The following SRBD1 variants were observed in gnomAD, a reference collection of about 807,000 sequenced individuals.
SRBD1 encodes S1 RNA-binding domain-containing protein 1.
SRBD1 carries 88 observed loss-of-function variants against 115.3 expected under a neutral mutation model. The observed-to-expected ratio is 0.76, with a 90% CI of 0.64 to 0.91. The LOEUF (loss-of-function observed/expected upper bound fraction) is 0.91, where lower values mean the gene tolerates loss of function less well. Among genes scored for constraint, SRBD1 ranks in the 40% least tolerant of loss-of-function variants. The probability of loss-of-function intolerance (pLI) is 0.00; values close to 1 mark genes in which losing one functional copy is unlikely to be tolerated. For missense variants in SRBD1, 1,385 were observed against 1,177.4 expected (o/e 1.18, Z -2.58); for synonymous variants, 509 against 407.7 (o/e 1.25, Z -2.99).
chr2:45,549,207 C>T (rs1023551607), intron 12 of SRBD1: 3 of 151,336 alleles, frequency 2.0e-5, no homozygotes, highest in South Asian at 2.1e-4. Flanking sequence ...AAGATAGCAA[C>T]AGCAAAGGAA....
At chr2:45,393,594 A>G (rs1667065718) in intron 19 of SRBD1, among the ~76,000 whole-genome samples, 1 of 152,154 alleles carries the variant, frequency 6.6e-6, no homozygotes, top group Admixed American at 6.5e-5. Flanking sequence ...GTTAGCCAGG[A>G]TGGTCTCGAT....
intron 16 of SRBD1, among the ~76,000 whole-genome samples, chr2:45,439,737 A>G (rs1188996647): frequency 1.3e-5 from 2 of 152,042 alleles, no homozygotes; most frequent in Non-Finnish European, 2.9e-5. Flanking sequence ...AAAATTGTCT[A>G]TAAAGACTGT....
intron 14 of SRBD1, among the ~76,000 whole-genome samples, chr2:45,496,507 A>G (rs894893972): frequency 1.3e-5 from 2 of 152,162 alleles, no homozygotes; most frequent in Non-Finnish European, 2.9e-5. Context: ...AGAAAGATAG[A>G]AGCAGCGATA....
intron 16 of SRBD1, among the ~76,000 whole-genome samples, chr2:45,463,378 A>G (rs948226034): frequency 2.0e-5 from 3 of 152,238 alleles, no homozygotes; most frequent in African/African-American, 7.2e-5. Context: ...ACAAGTAATT[A>G]CATTTGCCTG....
chr2:45,562,498 C>A (rs191064830), intron 10 of SRBD1, among the ~76,000 whole-genome samples, 155 bp downstream of exon 10: 12 of 152,332 alleles, frequency 7.9e-5, no homozygotes, highest in Admixed American at 7.8e-4. Flanking sequence ...TCCGAAAGTG[C>A]TGGGATTACA....
intron 16 of SRBD1, among the ~76,000 whole-genome samples, chr2:45,444,097 A>G (rs751903846): frequency 2.2e-4 from 34 of 152,150 alleles, no homozygotes; most frequent in Admixed American, 1.5e-3. Context: ...TACAGTACTA[A>G]CACCAGAACA....
At chr2:45,559,214 T>G (rs1329246805) in intron 10 of SRBD1, among the ~76,000 whole-genome samples, 1 of 152,234 alleles carries the variant, frequency 6.6e-6, no homozygotes, top group Non-Finnish European at 1.5e-5. Context: ...GTGGCCTGAG[T>G]GATCTTAAAA....
intron 9 of SRBD1, among the ~76,000 whole-genome samples, chr2:45,571,373 T>C (rs1274746400): frequency 6.7e-6 from 1 of 148,342 alleles, no homozygotes; most frequent in Non-Finnish European, 1.5e-5. Flanking sequence ...TGGCCACACA[T>C]AGCAAACAAA....
In SRBD1 at chr2:45,599,700, G is replaced by T; in HGVS notation, c.397C>A (p.Leu133Met). ...QPHTVRRTKK[L>M]KVEEETSKAS... The stretch of plus-strand genomic sequence containing the variant: ...TTGCTGGTTTCTTCTTCAACTTTCA[G>T]CTTTTTAGTCCTTCGAACTGTATGT... Residue 133 changes from leucine (L) to methionine (M), a missense_variant, in exon 4 of 21, where the codon CTG (leucine) becomes ATG (methionine). Leu to Met is a conservative substitution (Grantham distance 15, BLOSUM62 2). Coordinates refer to ENST00000263736, the MANE Select transcript of SRBD1 (RefSeq NM_018079.5). 1 of 1,614,126 alleles carries T rather than the reference G, an allele frequency of 6.2e-7. No homozygotes were observed. The highest frequency in any genetic ancestry group is 1.1e-5 in the South Asian group (1 of 91,086).
chr2:45,503,832 G>A (rs1034083332), intron 14 of SRBD1, among the ~76,000 whole-genome samples: 1 of 152,148 alleles, frequency 6.6e-6, no homozygotes, highest in Non-Finnish European at 1.5e-5. Flanking sequence ...CAAAGAGGAG[G>A]AGGCTTATAT....
In SRBD1 at chr2:45,573,330, T is replaced by G. The variant is rs753662665; in HGVS notation, c.1182A>C (p.Arg394Ser). Residue 394 changes from arginine to serine, a missense_variant, in exon 9 of 21, where the codon AGA becomes AGC. Transcript: ENST00000263736. The stretch of plus-strand genomic sequence containing the variant: ...CCAGAGATGACTGGATACAAACATG[T>G]CTCTTCTGGCACCTGTTCAGATACA... ...LDFIRNLCQK[R>S]HVCIQSSLAK... 8.3e-5 allele frequency: 134 copies of G among 1,609,458 alleles called. No homozygotes were observed. The highest frequency in any genetic ancestry group is 1.1e-4 in the Non-Finnish European group (131 of 1,178,642).
intron 14 of SRBD1, among the ~76,000 whole-genome samples, chr2:45,529,826 G>C (rs1671558683): frequency 6.6e-6 from 1 of 151,966 alleles, no homozygotes; most frequent in African/African-American, 2.4e-5. Flanking sequence ...CAGCATACAA[G>C]AATAGAAAGA....
At chr2:45,604,422 T>C (rs548751320) in intron 2 of SRBD1, among the ~76,000 whole-genome samples, 296 of 152,106 alleles carry the variant, frequency 1.9e-3, no homozygotes, top group African/African-American at 6.8e-3. Context: ...AATTAAGCCT[T>C]GAGGGATTCC....
intron 19 of SRBD1, among the ~76,000 whole-genome samples, chr2:45,404,894 T>C (rs908666944): frequency 1.6e-4 from 25 of 152,102 alleles, no homozygotes; most frequent in African/African-American, 6.0e-4. Flanking sequence ...ATGTCATGCC[T>C]GCTCCCACAT....
intron 10 of SRBD1, among the ~76,000 whole-genome samples, chr2:45,561,239 T>C (rs1007641424): frequency 6.6e-6 from 1 of 152,256 alleles, no homozygotes; most frequent in African/African-American, 2.4e-5. Context: ...TAGTAAGACA[T>C]GTTCATATTT....
intron 19 of SRBD1, among the ~76,000 whole-genome samples, chr2:45,395,220 A>G (rs987968630): frequency 1.1e-4 from 16 of 152,346 alleles, no homozygotes; most frequent in African/African-American, 3.6e-4. Context: ...GCTTCTAACC[A>G]TCTGTTAAAA....
intron 17 of SRBD1, 58 bp downstream of exon 17, chr2:45,419,730 G>A: frequency 1.3e-6 from 2 of 1,492,236 alleles, no homozygotes; most frequent in Non-Finnish European, 1.9e-6. Context: ...GCCGAGTTTG[G>A]ACTGGACAGC....
chr2:45,416,646 T>C (rs1190422256), intron 18 of SRBD1, among the ~76,000 whole-genome samples: 2 of 152,212 alleles, frequency 1.3e-5, no homozygotes, highest in Non-Finnish European at 2.9e-5. Flanking sequence ...AATAAACATA[T>C]ACATACAAGG....
At chr2:45,589,430 A>G (rs7576649) in intron 4 of SRBD1, among the ~76,000 whole-genome samples, 44,655 of 152,108 alleles carry the variant, frequency 0.29, 8,311 homozygotes, top group African/African-American at 0.53. Flanking sequence ...TAGCATTTTG[A>G]TTGACCCTTG....
Sources: gnomAD v4.1 joint callset for allele counts (sites outside exome capture counted in the v4.1 genomes callset) on GRCh38, gnomAD v4.1.1 for gene constraint, MANE v1.5 for transcripts, NCBI Gene and HGNC (gene_info 2026-07-23, HGNC 2026-07-21) for gene names.